The following ZNF280C variants were observed in gnomAD, a reference collection of about 807,000 sequenced individuals.
ZNF280C encodes suppressor of hairy wing homolog 3.
Under a neutral mutation model 53.6 loss-of-function variants are expected in ZNF280C, and 14 were observed. That is an observed-to-expected ratio of 0.26 (90% confidence interval 0.17 to 0.41). The LOEUF (loss-of-function observed/expected upper bound fraction) is 0.41, where lower values mean the gene tolerates loss of function less well. Among genes scored for constraint, ZNF280C ranks in the 10% least tolerant of loss-of-function variants. The probability of loss-of-function intolerance (pLI) is 1.00; values close to 1 mark genes in which losing one functional copy is unlikely to be tolerated. For missense variants in ZNF280C, 416 were observed against 547.1 expected (o/e 0.76, Z 2.39); for synonymous variants, 203 against 181.1 (o/e 1.12, Z -0.97).
chrX:130,262,299 C>T (rs2032638745), intron 1 of ZNF280C, among the ~76,000 whole-genome samples: 3 of 112,075 alleles, frequency 2.7e-5, no homozygotes, highest in East Asian at 2.8e-4. Flanking sequence ...GTCACTCTAG[C>T]CATATTTCAA....
chrX:130,258,854 T>G (rs2032601362), intron 2 of ZNF280C, among the ~76,000 whole-genome samples: 1 of 111,801 alleles, frequency 8.9e-6, no homozygotes, highest in South Asian at 3.7e-4. Context: ...AAATCCTCAC[T>G]GCACCATTTT....
At chrX:130,230,114 T>C (rs1041466310) in intron 9 of ZNF280C, among the ~76,000 whole-genome samples, 4 of 111,858 alleles carry the variant, frequency 3.6e-5, no homozygotes, top group Non-Finnish European at 3.8e-5. Flanking sequence ...AAATTTGAGC[T>C]TTAAATAAGG....
intron 2 of ZNF280C, among the ~76,000 whole-genome samples, chrX:130,255,175 C>T (rs1337472536): frequency 2.2e-5 from 2 of 90,043 alleles, no homozygotes; most frequent in African/African-American, 4.2e-5. Flanking sequence ...GAGTCTCGCT[C>T]TGTCACCCAG....
chrX:130,241,603 A>G (rs1402711465), intron 5 of ZNF280C, among the ~76,000 whole-genome samples: 1 of 111,502 alleles, frequency 9.0e-6, no homozygotes, highest in Non-Finnish European at 1.9e-5. Context: ...TCTAAAAAAA[A>G]TTAAAAGCCA....
At chrX:130,258,674 C>T (rs1340509987) in intron 2 of ZNF280C, among the ~76,000 whole-genome samples, 1 of 112,386 alleles carries the variant, frequency 8.9e-6, no homozygotes, top group Non-Finnish European at 1.9e-5. Context: ...ATTCATATTT[C>T]AGTATTTGTA....
intron 16 of ZNF280C, among the ~76,000 whole-genome samples, chrX:130,205,892 A>C (rs1228125794): frequency 9.2e-6 from 1 of 108,914 alleles, no homozygotes; most frequent in African/African-American, 3.3e-5. Flanking sequence ...AAAAAAAAAA[A>C]AGGAAAAGAA....
rs2031957956 is a variant in ZNF280C at position 130,205,121 on chromosome X, T to C, written c.2194A>G (p.Thr732Ala). The C allele has an allele frequency of 8.3e-7, 1 of 1,201,945 alleles. No homozygotes were observed. The highest frequency in any genetic ancestry group is 1.7e-5 in the African/African-American group (1 of 57,482). ...SKSTSTSEPT[T>A]GCSLK ...CTGAAGGAAAATTAAACTTACCCAGTAGTGGGTTCAGAAGTTGAGGTACTT... is the reference window on the plus strand; with the variant it reads ...CTGAAGGAAAATTAAACTTACCCAGCAGTGGGTTCAGAAGTTGAGGTACTT... The change falls in exon 18 of 19, where the codon ACT (threonine) becomes GCT (alanine). Residue 732 changes from threonine (T) to alanine (A), a missense_variant. Transcript: ENST00000370978.
Position 130,236,603 on chromosome X carries a change from G to A in ZNF280C, c.530C>T (p.Ser177Phe). The A allele has an allele frequency of 1.7e-6, 2 of 1,192,720 alleles. No individual in the cohort carries two copies. Among genetic ancestry groups the A allele is most frequent in the Non-Finnish European group, 2.3e-6 (2 of 883,098 alleles). ...AGTAACACTGTTTACTTTAGAAGTA[G>A]AAGGATGTTTCAACACATATGAAGT... is the stretch of plus-strand genomic sequence containing the variant. ...KNTSYVLKHPSTSKVNSVTPK... is the reference protein window; with the variant it reads ...KNTSYVLKHPFTSKVNSVTPK... Residue 177 changes from serine to phenylalanine, a missense_variant, in exon 7 of 19, where the codon TCT (serine) becomes TTT (phenylalanine). By Grantham distance (155) the Ser-to-Phe change is radical. Around this residue, in one of 3 missense-constraint regions of ZNF280C, gnomAD observed 193 missense variants for 201.4 expected, o/e 0.96. Coordinates refer to ENST00000370978, the MANE Select transcript of ZNF280C (RefSeq NM_017666.5).
chrX:130,226,073 A>T (rs2032218557), intron 12 of ZNF280C, among the ~76,000 whole-genome samples: 1 of 112,706 alleles, frequency 8.9e-6, no homozygotes, highest in South Asian at 3.6e-4. Flanking sequence ...CAAGGGAAAG[A>T]TGCAAGCATC....
chrX:130,264,415 AAT>A (rs1271482314), intron 1 of ZNF280C, among the ~76,000 whole-genome samples: 1 of 111,901 alleles, frequency 8.9e-6, no homozygotes, highest in Non-Finnish European at 1.9e-5. Context: ...CTCTCAGGAA[AAT>A]AGATATATTC....
intron 2 of ZNF280C, among the ~76,000 whole-genome samples, chrX:130,254,729 G>A (rs1268288934): frequency 2.7e-5 from 3 of 110,899 alleles, no homozygotes; most frequent in Non-Finnish European, 5.7e-5. Context: ...GACATATAGA[G>A]GTGAACAACA....
intron 2 of ZNF280C, among the ~76,000 whole-genome samples, chrX:130,254,441 T>C (rs186869361): frequency 9.0e-6 from 1 of 111,696 alleles, no homozygotes; most frequent in Non-Finnish European, 1.9e-5. Context: ...TCTTCTATCA[T>C]AAAGACACAT....
chrX:130,252,092 T>C (rs2032519134), intron 2 of ZNF280C, among the ~76,000 whole-genome samples: 1 of 111,340 alleles, frequency 9.0e-6, no homozygotes, highest in Admixed American at 9.5e-5. Flanking sequence ...ACAGCCTGGG[T>C]GGCAGAATGA....
intron 1 of ZNF280C, among the ~76,000 whole-genome samples, chrX:130,263,472 TGA>T (rs2032652621): frequency 8.9e-6 from 1 of 112,204 alleles, no homozygotes; most frequent in Non-Finnish European, 1.9e-5. Context: ...ACATATTGTA[TGA>T]TTTCATTCAT....
rs188003057 is a variant in ZNF280C, at chrX:130,260,473, C to T, written c.-16-8G>A. On this transcript the variant is annotated splice_region_variant and splice_polypyrimidine_tract_variant and intron_variant, in intron 1 of 18. Transcript: ENST00000370978. ...ATGAAGTTGCAAGGTCACCTAAGTA[C>T]GAACACATGACATCAATCAATGTTA... The T allele has an allele frequency of 2.0e-5, 23 of 1,174,669 alleles. No individual in the cohort carries two copies. Among genetic ancestry groups the T allele is most frequent in the Middle Eastern group, 2.4e-4 (1 of 4,182 alleles).
chrX:130,256,669 G>C (rs773902476), intron 2 of ZNF280C, among the ~76,000 whole-genome samples: 27 of 111,083 alleles, frequency 2.4e-4, no homozygotes, highest in Non-Finnish European at 4.7e-4. Flanking sequence ...GAGGTGGGCA[G>C]ATCACTTGAG....
chrX:130,254,865 A>G (rs1385804208), intron 2 of ZNF280C, among the ~76,000 whole-genome samples: 1 of 110,456 alleles, frequency 9.1e-6, no homozygotes, highest in African/African-American at 3.3e-5. Context: ...CCAAGACATG[A>G]GTGTACCCAT....
rs760789840 is a variant in ZNF280C, at chrX:130,268,280, G to A, written c.-17+482C>T. On this transcript the variant is annotated intron_variant, in intron 1 of 18. Transcript: ENST00000370978. The stretch of plus-strand genomic sequence containing the variant: ...TGTGTGGGGGGAACCTGCGCAGAAA[G>A]AAGGGGTCACAGGGTCTCTGATGCC... 2.7e-5 allele frequency among the ~76,000 whole-genome samples: 3 copies of A among 111,555 alleles called. No homozygotes were observed. The Admixed American group carries it at 2.8e-4, about 11-fold the overall frequency.
chrX:130,233,030 A>T (rs1389045368), intron 8 of ZNF280C, among the ~76,000 whole-genome samples: 1 of 112,029 alleles, frequency 8.9e-6, no homozygotes, highest in African/African-American at 3.2e-5. Context: ...CAGCCATAAA[A>T]ACAGAAAGAA....
Sources: gnomAD v4.1 joint callset for allele counts (sites outside exome capture counted in the v4.1 genomes callset) on GRCh38, gnomAD v4.1.1 for gene constraint, gnomAD v4.1.1 regional missense constraint, MANE v1.5 for transcripts, NCBI Gene and HGNC (gene_info 2026-07-23, HGNC 2026-07-21) for gene names.